Variants in EIF4G3 observed in about 807,000 individuals in gnomAD.
The protein encoded by EIF4G3 is eIF-4-gamma 3.
EIF4G3 carries 34 observed loss-of-function variants against 186.4 expected under a neutral mutation model. That is an observed-to-expected ratio of 0.18 (90% CI 0.14 to 0.24). The LOEUF is 0.24. EIF4G3 is among the 10% of genes least tolerant of loss of function. The pLI is 1.00. For missense variants in EIF4G3, 1,536 were observed against 1,948.5 expected (o/e 0.79, Z 3.99); for synonymous variants, 673 against 679.5 (o/e 0.99, Z 0.15).
chr1:20,829,192 G>T lies in EIF4G3; in HGVS notation c.4142C>A (p.Thr1381Asn), dbSNP rs1205608017. 1.2e-6 allele frequency: 2 copies of T among 1,613,890 alleles called. No individual in the cohort carries two copies. Among genetic ancestry groups the T allele is most frequent in the Non-Finnish European group, 1.7e-6 (2 of 1,179,926 alleles). The part of the protein sequence containing the change: ...HIWLYLAELV[T>N]PMLKEGGISM... Reference sequence around the variant, plus strand: ...GATTCCACCTTCTTTTAACATGGGGGTCACCAGTTCAGCAAGGTACAACCA... The same window carrying T: ...GATTCCACCTTCTTTTAACATGGGGTTCACCAGTTCAGCAAGGTACAACCA... The change falls in exon 31 of 37, where the codon ACC becomes AAC. Residue 1381 changes from threonine (T) to asparagine (N), a missense_variant. By Grantham distance (65) the Thr-to-Asn change is moderately conservative. This residue lies in a region of EIF4G3 where 395 missense variants were observed against 498.9 expected (regional missense o/e 0.79). Coordinates refer to ENST00000602326, the MANE Select transcript of EIF4G3 (RefSeq NM_001391906.1).
At chr1:21,073,033 C>T (rs1001023375) in intron 3 of EIF4G3, among the ~76,000 whole-genome samples, 6 of 152,182 alleles carry the variant, frequency 3.9e-5, no homozygotes, top group Non-Finnish European at 1.5e-5. Flanking sequence ...CAATGACACA[C>T]ACAGCTGCTA....
intron 2 of EIF4G3, among the ~76,000 whole-genome samples, chr1:21,144,003 G>A (rs998616327): frequency 6.6e-6 from 1 of 152,114 alleles, no homozygotes; most frequent in Non-Finnish European, 1.5e-5. Flanking sequence ...TGGTCTCAAG[G>A]TTCATAGGCA....
chr1:21,024,223 T>G (rs1282048204), intron 4 of EIF4G3, among the ~76,000 whole-genome samples: 185 of 124,688 alleles, frequency 1.5e-3, no homozygotes, highest in Non-Finnish European at 2.2e-3. Flanking sequence ...GAGGTGGGGG[T>G]TCAGCCCCCC....
intron 4 of EIF4G3, among the ~76,000 whole-genome samples, chr1:21,035,017 C>T (rs897068482): frequency 6.6e-6 from 1 of 152,122 alleles, no homozygotes; most frequent in Non-Finnish European, 1.5e-5. Context: ...CCTGGAGCCC[C>T]ACCCCAGGTG....
At chr1:21,083,500 T>TC (rs1491237876) in intron 3 of EIF4G3, among the ~76,000 whole-genome samples, 18 of 151,504 alleles carry the variant, frequency 1.2e-4, no homozygotes, top group South Asian at 6.3e-4. Flanking sequence ...TTTTTTTTTT[T>TC]TCTAATAGAG....
chr1:21,111,184 C>A, intron 2 of EIF4G3: 1 of 378,822 alleles, frequency 2.6e-6, no homozygotes. Flanking sequence ...CATTTCAGGA[C>A]AAAATGAACA....
intron 3 of EIF4G3, among the ~76,000 whole-genome samples, chr1:21,088,359 G>T (rs1192022647): frequency 6.6e-6 from 1 of 152,058 alleles, no homozygotes; most frequent in Non-Finnish European, 1.5e-5. Flanking sequence ...GGCAGAGGTT[G>T]CAGTGAGCTG....
intron 4 of EIF4G3, among the ~76,000 whole-genome samples, chr1:21,042,960 T>C (rs547388893): frequency 6.6e-6 from 1 of 152,318 alleles, no homozygotes; most frequent in Admixed American, 6.5e-5. Flanking sequence ...TCTAAAAATC[T>C]GAATGTCACA....
intron 14 of EIF4G3, among the ~76,000 whole-genome samples, chr1:20,935,143 T>C (rs2095478009): frequency 6.6e-6 from 1 of 152,180 alleles, no homozygotes; most frequent in Admixed American, 6.5e-5. Flanking sequence ...GGTAATTTTG[T>C]ATTGACATAC....
chr1:20,991,186 G>A (rs1159912180), intron 7 of EIF4G3, among the ~76,000 whole-genome samples: 1 of 152,044 alleles, frequency 6.6e-6, no homozygotes, highest in Non-Finnish European at 1.5e-5. Flanking sequence ...ATATAATTTA[G>A]GTTTCACTAA....
At chr1:21,006,671 T>C (rs2085166399) in intron 4 of EIF4G3, among the ~76,000 whole-genome samples, 1 of 152,242 alleles carries the variant, frequency 6.6e-6, no homozygotes, top group Non-Finnish European at 1.5e-5. Context: ...ATGGTGTACA[T>C]ATAACCCTTA....
At chr1:20,992,497 G>A (rs187708027) in intron 7 of EIF4G3, among the ~76,000 whole-genome samples, 15 of 152,066 alleles carry the variant, frequency 9.9e-5, no homozygotes, top group South Asian at 2.1e-4. Flanking sequence ...CAATTTCAAC[G>A]CTTGCCACCA....
At chr1:20,981,527 A>G (rs2078010987) in intron 8 of EIF4G3, among the ~76,000 whole-genome samples, 2 of 67,768 alleles carry the variant, frequency 3.0e-5, no homozygotes, top group South Asian at 3.9e-4. Flanking sequence ...ATACATACAT[A>G]CATGTATACG....
At chr1:21,041,754 T>C (rs1345840849) in intron 4 of EIF4G3, among the ~76,000 whole-genome samples, 1 of 152,140 alleles carries the variant, frequency 6.6e-6, no homozygotes, top group Non-Finnish European at 1.5e-5. Context: ...ACAAACTACT[T>C]TACAGAGAAC....
At chr1:21,026,454 A>G (rs1042769178) in intron 4 of EIF4G3, among the ~76,000 whole-genome samples, 1 of 152,072 alleles carries the variant, frequency 6.6e-6, no homozygotes, top group African/African-American at 2.4e-5. Context: ...AAGAAATCAG[A>G]GAGAAAACGC....
intron 14 of EIF4G3, among the ~76,000 whole-genome samples, chr1:20,914,586 T>C (rs1402765912): frequency 6.6e-6 from 1 of 152,212 alleles, no homozygotes; most frequent in Non-Finnish European, 1.5e-5. Flanking sequence ...CATCCAAAAC[T>C]GTAAGATAAT....
chr1:21,094,367 C>G (rs2101554616), intron 2 of EIF4G3, among the ~76,000 whole-genome samples: 1 of 152,076 alleles, frequency 6.6e-6, no homozygotes, highest in East Asian at 1.9e-4. Flanking sequence ...TGGAACCAAC[C>G]CAAATGCCCA....
intron 29 of EIF4G3, among the ~76,000 whole-genome samples, chr1:20,843,734 G>C (rs958886794): frequency 6.6e-6 from 1 of 151,972 alleles, no homozygotes; most frequent in African/African-American, 2.4e-5. Context: ...TTTGCTGTAC[G>C]GATTATTTCA....
chr1:20,897,060 A>G (rs1040984865), intron 16 of EIF4G3, among the ~76,000 whole-genome samples: 1 of 152,222 alleles, frequency 6.6e-6, no homozygotes, highest in South Asian at 2.1e-4. Flanking sequence ...ACATTCCCTA[A>G]GAGTACAAAC....
Sources: allele counts gnomAD v4.1 joint callset (sites outside exome capture counted in the v4.1 genomes callset), GRCh38; gene constraint gnomAD v4.1.1; regional missense constraint gnomAD v4.1.1; transcripts MANE v1.5; gene names NCBI Gene and HGNC (gene_info 2026-07-23, HGNC 2026-07-21).